The following GABRB3 variants were observed in gnomAD, a reference collection of about 807,000 sequenced individuals.
The protein encoded by GABRB3 is gamma-aminobutyric acid receptor subunit beta-3.
Under a neutral mutation model 52.1 loss-of-function variants are expected in GABRB3, and 14 were observed. The ratio of observed to expected loss-of-function variants is 0.27; its 90% CI spans 0.18 to 0.42. The LOEUF is 0.42. Among genes scored for constraint, GABRB3 ranks in the 10% least tolerant of loss-of-function variants. The pLI is 1.00. For synonymous variants in GABRB3, 260 were observed against 232.3 expected (o/e 1.12, Z -1.08); for missense variants, 307 against 609.1 (o/e 0.50, Z 5.22).
intron 3 of GABRB3, among the ~76,000 whole-genome samples, chr15:26,684,875 C>T (rs542042734): frequency 3.3e-5 from 5 of 152,282 alleles, no homozygotes; most frequent in African/African-American, 1.2e-4. Flanking sequence ...AGAATGATAA[C>T]AGAAAAGTTT....
intron 3 of GABRB3, among the ~76,000 whole-genome samples, chr15:26,702,834 CG>C (rs1204268868): frequency 1.4e-4 from 21 of 152,144 alleles, no homozygotes; most frequent in African/African-American, 4.8e-4. Flanking sequence ...GCAGTTACAA[CG>C]AAATAGCTGT....
rs1710427903 is a variant in GABRB3 at position 26,547,935 on chromosome 15, T to C, written c.1280A>G (p.His427Arg). ...GAGCTGTGAAGACCTCCTCCGTAGATGGGTCTTCTTGTGCGGGAGGCTTCT... is the reference window on the plus strand; with the variant it reads ...GAGCTGTGAAGACCTCCTCCGTAGACGGGTCTTCTTGTGCGGGAGGCTTCT... ...GDRSLPHKKT[H>R]LRRRSSQLKI... The change falls in exon 9 of 9, where the codon CAT becomes CGT. Residue 427 changes from histidine (H) to arginine (R), a missense_variant. His to Arg is a conservative substitution (Grantham distance 29, BLOSUM62 0). Coordinates refer to ENST00000311550, the MANE Select transcript of GABRB3 (RefSeq NM_000814.6). 1.2e-6 allele frequency: 2 copies of C among 1,614,072 alleles called. No individual in the cohort carries two copies. The highest frequency in any genetic ancestry group is 2.2e-5 in the East Asian group (1 of 44,892).
intron 3 of GABRB3, among the ~76,000 whole-genome samples, chr15:26,678,061 G>A (rs1295606556): frequency 6.6e-6 from 1 of 152,148 alleles, no homozygotes; most frequent in Non-Finnish European, 1.5e-5. Context: ...AAACAGAGTG[G>A]GTGTCGCACC....
At chr15:26,753,765 G>A (rs577597901) in intron 3 of GABRB3, among the ~76,000 whole-genome samples, 33 of 152,288 alleles carry the variant, frequency 2.2e-4, no homozygotes, top group African/African-American at 7.7e-4. Flanking sequence ...AGGAAAAGCC[G>A]AATATACAGG....
At chr15:26,554,190 A>ATAAAGTGTGTATATATATAT (rs1567097853) in intron 8 of GABRB3, among the ~76,000 whole-genome samples, 32 of 31,538 alleles carry the variant, frequency 1.0e-3, no homozygotes, top group African/African-American at 2.6e-3. Context: ...ATATATATAT[A>ATAAAGTGTGTATATATATAT]CTATATATAT....
chr15:26,670,702 A>G (rs765983509), intron 3 of GABRB3, among the ~76,000 whole-genome samples: 7 of 152,168 alleles, frequency 4.6e-5, no homozygotes, highest in Non-Finnish European at 1.0e-4. Context: ...ATGAAGTGTA[A>G]CTGTACTTTG....
At chr15:26,662,986 A>G (rs1887596351) in intron 3 of GABRB3, among the ~76,000 whole-genome samples, 1 of 152,232 alleles carries the variant, frequency 6.6e-6, no homozygotes, top group Non-Finnish European at 1.5e-5. Context: ...TTCTAGCACA[A>G]TATCAAAAAC....
At chr15:26,746,841 G>C (rs933309227) in intron 3 of GABRB3, among the ~76,000 whole-genome samples, 3 of 152,040 alleles carry the variant, frequency 2.0e-5, no homozygotes, top group African/African-American at 7.2e-5. Context: ...CAAAAAATTA[G>C]CCGGGCGTGG....
At chr15:26,707,714 G>A (rs563787121) in intron 3 of GABRB3, among the ~76,000 whole-genome samples, 15 of 152,316 alleles carry the variant, frequency 9.8e-5, no homozygotes, top group South Asian at 2.1e-4. Flanking sequence ...GGACCCAATC[G>A]TATAAGTGTG....
intron 3 of GABRB3, among the ~76,000 whole-genome samples, chr15:26,627,138 A>C (rs1892729787): frequency 6.6e-6 from 1 of 152,084 alleles, no homozygotes; most frequent in Non-Finnish European, 1.5e-5. Flanking sequence ...CAAAAAATCC[A>C]ACAATAAAAC....
intron 3 of GABRB3, among the ~76,000 whole-genome samples, chr15:26,673,954 C>T (rs1213532955): frequency 6.6e-6 from 1 of 152,118 alleles, no homozygotes. Flanking sequence ...ATATATACGC[C>T]TAACATTGTT....
chr15:26,707,494 G>A (rs957194962), intron 3 of GABRB3, among the ~76,000 whole-genome samples: 1 of 152,190 alleles, frequency 6.6e-6, no homozygotes, highest in Non-Finnish European at 1.5e-5. Context: ...TGCAGGCTTA[G>A]GGCAAGAAAG....
intron 3 of GABRB3, among the ~76,000 whole-genome samples, chr15:26,738,097 T>C (rs1890111906): frequency 6.6e-6 from 1 of 152,134 alleles, no homozygotes; most frequent in African/African-American, 2.4e-5. Flanking sequence ...CGTGTTGTTG[T>C]TTTGTTTTTT....
In GABRB3 at chr15:26,548,139, T is replaced by C; in HGVS notation, c.1081-5A>G. 1 of 1,612,552 alleles carries C rather than the reference T, an allele frequency of 6.2e-7. No homozygotes were observed. The highest frequency in any genetic ancestry group is 8.5e-7 in the Non-Finnish European group (1 of 1,178,614). The stretch of plus-strand genomic sequence containing the variant: ...AATATTTCCATGAGCATCCACCTAA[T>C]TGGACGGAAAATGCACATGGTTAGA... On this transcript the variant is annotated splice_region_variant and splice_polypyrimidine_tract_variant and intron_variant, in intron 8 of 8. Transcript: ENST00000311550.
chr15:26,744,731 C>G (rs1385653610), intron 3 of GABRB3, among the ~76,000 whole-genome samples: 1 of 152,122 alleles, frequency 6.6e-6, no homozygotes, highest in Non-Finnish European at 1.5e-5. Context: ...CAACCAATAA[C>G]AGAAACTTTC....
chr15:26,560,976 T>A lies in GABRB3; in HGVS notation c.1036A>T (p.Thr346Ser). ...PQRQKKLAEK[T>S]AKAKNDRSKS... is the part of the protein sequence containing the mutation. ...GAACGGTCATTCTTTGCCTTGGCTGTCTTTTCTGCAAGCTTCTTCTGCCTT... is the reference window on the plus strand; with the variant it reads ...GAACGGTCATTCTTTGCCTTGGCTGACTTTTCTGCAAGCTTCTTCTGCCTT... The change falls in exon 8 of 9, where the codon ACA (threonine) becomes TCA (serine). Residue 346 changes from threonine (T) to serine (S), a missense_variant. Transcript: ENST00000311550. 8 of 1,614,174 alleles carry A rather than the reference T, an allele frequency of 5.0e-6. No homozygotes were observed. The highest frequency in any genetic ancestry group is 6.8e-6 in the Non-Finnish European group (8 of 1,180,008).
intron 4 of GABRB3, among the ~76,000 whole-genome samples, chr15:26,608,084 A>T (rs985581343): frequency 6.7e-6 from 1 of 150,364 alleles, no homozygotes; most frequent in Admixed American, 6.6e-5. Context: ...TATAGTAATT[A>T]AAACAGCATG....
At chr15:26,652,962 G>T (rs970063692) in intron 3 of GABRB3, among the ~76,000 whole-genome samples, 1 of 152,146 alleles carries the variant, frequency 6.6e-6, no homozygotes, top group Admixed American at 6.5e-5. Flanking sequence ...TGAGTACCAA[G>T]TAAAACTGAA....
chr15:26,682,757 G>T (rs1198896120), intron 3 of GABRB3, among the ~76,000 whole-genome samples: 2 of 152,186 alleles, frequency 1.3e-5, no homozygotes, highest in Admixed American at 6.5e-5. Flanking sequence ...GAGGTGGGAG[G>T]ACTTGAGGCT....
Sources: gnomAD v4.1 joint callset for allele counts (sites outside exome capture counted in the v4.1 genomes callset) on GRCh38, gnomAD v4.1.1 for gene constraint, MANE v1.5 for transcripts, NCBI Gene and HGNC (gene_info 2026-07-23, HGNC 2026-07-21) for gene names.